PRLR: variants seen among roughly 807,000 people sequenced by gnomAD.
PRLR encodes the protein hPRL receptor.
In PRLR, 13 loss-of-function variants were observed where a neutral mutation model predicts 40.2. The ratio of observed to expected loss-of-function variants is 0.32; its 90% CI spans 0.21 to 0.51. PRLR has a LOEUF of 0.51. PRLR is among the 20% of genes least tolerant of loss of function. The pLI is 0.97. For missense variants in PRLR, 656 were observed against 747.3 expected, an observed-to-expected ratio of 0.88 and a Z score of 1.42; for synonymous variants, 269 against 278.7, an observed-to-expected ratio of 0.97 and a Z score of 0.35.
chr5:35,155,410 A>G (rs979375252), intron 1 of PRLR, among the ~76,000 whole-genome samples: 3 of 152,218 alleles, frequency 2.0e-5, no homozygotes, highest in African/African-American at 7.2e-5. Flanking sequence ...ATTTCAGAAT[A>G]TAACCAATTG....
intron 1 of PRLR, among the ~76,000 whole-genome samples, chr5:35,167,578 T>C (rs1319254453): frequency 1.3e-5 from 2 of 152,030 alleles, no homozygotes; most frequent in Non-Finnish European, 2.9e-5. Context: ...TTGAAAACAG[T>C]AAATATAGGG....
At chr5:35,075,831 A>C (rs933771587) in intron 5 of PRLR, among the ~76,000 whole-genome samples, 1 of 152,176 alleles carries the variant, frequency 6.6e-6, no homozygotes, top group African/African-American at 2.4e-5. Flanking sequence ...TGCCCCTCTG[A>C]GATGAAGCTT....
chr5:35,200,844 C>T (rs746942178), intron 1 of PRLR, among the ~76,000 whole-genome samples: 3 of 152,196 alleles, frequency 2.0e-5, no homozygotes, highest in Non-Finnish European at 2.9e-5. Flanking sequence ...AGTTAACAGA[C>T]TTTGCGAAGA....
At chr5:35,102,212 G>A (rs1771928658) in intron 2 of PRLR, among the ~76,000 whole-genome samples, 1 of 152,018 alleles carries the variant, frequency 6.6e-6, no homozygotes, top group Admixed American at 6.6e-5. Flanking sequence ...GAGTACTGGG[G>A]TCATTTATGA....
chr5:35,102,880 T>G (rs910641754), intron 2 of PRLR, among the ~76,000 whole-genome samples: 1 of 152,138 alleles, frequency 6.6e-6, no homozygotes, highest in Non-Finnish European at 1.5e-5. Flanking sequence ...ACATTCAATT[T>G]AACAGCTAAT....
At chr5:35,227,219 G>T (rs758224674) in intron 1 of PRLR, among the ~76,000 whole-genome samples, 1 of 152,172 alleles carries the variant, frequency 6.6e-6, no homozygotes, top group Non-Finnish European at 1.5e-5. Flanking sequence ...CCACTTAAAA[G>T]CACCCACTAG....
chr5:35,062,858 A>G lies in PRLR; in HGVS notation c.*2231T>C, dbSNP rs1421636600. 6.6e-6 allele frequency: 1 copy of G among 152,164 alleles called. No homozygotes were observed. The highest frequency in any genetic ancestry group is 1.5e-5 in the Non-Finnish European group (1 of 68,014). 9.4% of individuals were successfully genotyped at this position (152,164 alleles called of 1,614,324 possible). A position where few individuals can be genotyped will look rare whatever the true frequency, so the allele number is the denominator to read the frequency against. ...ATAATGTGAATCTTAAACTACTGAT[A>G]TGTTTCTTTTTTTGCCTGCTTACAT... On this transcript the variant is annotated 3_prime_UTR_variant, in exon 10 of 10. Transcript: ENST00000618457.
intron 1 of PRLR, among the ~76,000 whole-genome samples, chr5:35,155,794 A>T (rs1466517448): frequency 6.6e-6 from 1 of 152,244 alleles, no homozygotes; most frequent in African/African-American, 2.4e-5. Flanking sequence ...TTTAGAAAAA[A>T]GGTACAATGG....
intron 2 of PRLR, among the ~76,000 whole-genome samples, chr5:35,099,961 G>A (rs1298135739): frequency 6.6e-6 from 1 of 151,986 alleles, no homozygotes; most frequent in African/African-American, 2.4e-5. Context: ...CAGATCATGA[G>A]GTCAGGAGTT....
At chr5:35,121,868 A>C (rs773509568) in intron 1 of PRLR, among the ~76,000 whole-genome samples, 1 of 152,202 alleles carries the variant, frequency 6.6e-6, no homozygotes, top group Non-Finnish European at 1.5e-5. Flanking sequence ...TTATTCTTTC[A>C]TTCACTCAGT....
rs570037430 is a variant in PRLR at position 35,084,519 on chromosome 5, C to G, written c.324G>C (p.Gln108His). ...TYIMMVNATN[Q>H]MGSSFSDELY... ...GTTCATCCGAGAAACTGCTTCCCATCTGGTTAGTGGCATTGACCATCATGA... is the reference window on the plus strand; with the variant it reads ...GTTCATCCGAGAAACTGCTTCCCATGTGGTTAGTGGCATTGACCATCATGA... Residue 108 changes from glutamine to histidine, a missense_variant, in exon 5 of 10, where the codon CAG (glutamine) becomes CAC (histidine). By Grantham distance (24) the Gln-to-His change is conservative. This residue lies in a region of PRLR where 180 missense variants were observed against 236.8 expected (regional missense o/e 0.76). Coordinates refer to ENST00000618457, the MANE Select transcript of PRLR (RefSeq NM_000949.7). The G allele has an allele frequency of 6.3e-7, 1 of 1,591,766 alleles. No individual in the cohort carries two copies. Among genetic ancestry groups the G allele is most frequent in the Admixed American group, 1.9e-5 (1 of 53,540 alleles).
chr5:35,127,996 A>T (rs1773527169), intron 1 of PRLR, among the ~76,000 whole-genome samples: 1 of 152,130 alleles, frequency 6.6e-6, no homozygotes. Context: ...CCTTGACTTT[A>T]TGAGGGTGCA....
chr5:35,119,576 T>A (rs537810516), intron 1 of PRLR, among the ~76,000 whole-genome samples: 1 of 152,314 alleles, frequency 6.6e-6, no homozygotes, highest in South Asian at 2.1e-4. Context: ...CTGACACAGA[T>A]GTCTGGGGCA....
Position 35,064,466 on chromosome 5 carries a change from G to GA in PRLR, c.*622dup, listed in dbSNP as rs1258088776. 6.6e-6 allele frequency: 1 copy of GA among 152,550 alleles called. No individual in the cohort carries two copies. The highest frequency in any genetic ancestry group is 2.4e-5 in the African/African-American group (1 of 41,428). The allele number at this position is 152,550 out of a possible 1,614,324, so 9.4% of individuals were successfully genotyped here. A position where few individuals can be genotyped will look rare whatever the true frequency, so the allele number is the denominator to read the frequency against. On this transcript the variant is annotated 3_prime_UTR_variant, in exon 10 of 10. Transcript: ENST00000618457. ...GAAGCTTTAGAGTAGAATTTAGGGG[G>GA]AAAATCCATGCTTAACATATCTAAA... is the stretch of plus-strand genomic sequence containing the variant.
chr5:35,213,192 A>G (rs1579808591), intron 1 of PRLR, among the ~76,000 whole-genome samples: 3 of 152,330 alleles, frequency 2.0e-5, no homozygotes, highest in East Asian at 1.9e-4. Context: ...GTAAAAGGAG[A>G]TCCCCATGAA....
At chr5:35,081,375 T>C in intron 5 of PRLR, 8 of 224,872 alleles carry the variant, frequency 3.6e-5, no homozygotes, top group South Asian at 6.9e-5. Context: ...CTGAGCTGAA[T>C]GGGAAGCTCA....
chr5:35,078,791 T>C (rs926788868), intron 5 of PRLR, among the ~76,000 whole-genome samples: 4 of 152,158 alleles, frequency 2.6e-5, no homozygotes, highest in South Asian at 2.1e-4. Context: ...CTGATGAACA[T>C]TGATGCAAGA....
intron 2 of PRLR, 83 bp from the exon 3 acceptor site, chr5:35,089,746 C>G: frequency 3.9e-6 from 3 of 767,538 alleles, no homozygotes; most frequent in Non-Finnish European, 6.7e-6. Flanking sequence ...GTATTTGCAA[C>G]TGATTGTTGC....
intron 1 of PRLR, among the ~76,000 whole-genome samples, chr5:35,150,713 T>G (rs1312021610): frequency 6.6e-6 from 1 of 152,068 alleles, no homozygotes; most frequent in East Asian, 1.9e-4. Flanking sequence ...CTGACAGTAG[T>G]GCATGAAAAC....
Sources: allele counts gnomAD v4.1 joint callset (sites outside exome capture counted in the v4.1 genomes callset), GRCh38; gene constraint gnomAD v4.1.1; regional missense constraint gnomAD v4.1.1; transcripts MANE v1.5; gene names NCBI Gene and HGNC (gene_info 2026-07-23, HGNC 2026-07-21).